The following CTBP2 variants were observed in gnomAD, a reference collection of about 807,000 sequenced individuals.
The protein encoded by CTBP2 is C-terminal binding protein 2.
Under a neutral mutation model 80.3 loss-of-function variants are expected in CTBP2, and 30 were observed. The observed-to-expected ratio is 0.37, with a 90% CI of 0.28 to 0.51. The LOEUF (loss-of-function observed/expected upper bound fraction) is 0.51. Among genes scored for constraint, CTBP2 ranks in the 20% least tolerant of loss-of-function variants. CTBP2 has a pLI of 0.93. For missense variants in CTBP2, 1,212 were observed against 1,375.3 expected, an observed-to-expected ratio of 0.88 and a Z score of 1.88; for synonymous variants, 594 against 587.4, an observed-to-expected ratio of 1.01 and a Z score of -0.16.
At chr10:125,049,274 C>T (rs1472523575) in intron 2 of CTBP2, among the ~76,000 whole-genome samples, 2 of 152,216 alleles carry the variant, frequency 1.3e-5, no homozygotes, top group African/African-American at 2.4e-5. Flanking sequence ...CAGTCCCCAC[C>T]GTCACAGGAC....
intron 1 of CTBP2, among the ~76,000 whole-genome samples, chr10:125,113,677 ATGTC>A (rs2135951911): frequency 6.6e-6 from 1 of 152,360 alleles, no homozygotes; most frequent in African/African-American, 2.4e-5. Flanking sequence ...TTTTTGAACA[ATGTC>A]TGAAGACAAA....
At chr10:125,031,488 C>CAAAA (rs11463934), upstream of CTBP2, among the ~76,000 whole-genome samples, 39 of 33,682 alleles carry the variant, frequency 1.2e-3, 1 homozygote, top group African/African-American at 2.3e-3. Flanking sequence ...GACTCCATTT[C>CAAAA]AAAAAAAAAA....
Position 125,026,862 on chromosome 10 carries a change from C to T in CTBP2, c.898G>A (p.Glu300Lys), listed in dbSNP as rs1250151224. 5 of 1,613,790 alleles carry T rather than the reference C, an allele frequency of 3.1e-6. No individual in the cohort carries two copies. In the South Asian group the frequency reaches 3.3e-5, roughly 11 times the overall value. ...CCCAGCGTGGCCTCTGCCAGCCCCTCCGCCCGCAGAAAGGCCAGGAACTCA... is the reference window on the plus strand; with the variant it reads ...CCCAGCGTGGCCTCTGCCAGCCCCTTCGCCCGCAGAAAGGCCAGGAACTCA... Residue 300 changes from glutamate to lysine, a missense_variant, in exon 1 of 9, where the codon GAG (glutamate) becomes AAG (lysine). Glu to Lys is a moderately conservative substitution (Grantham distance 56). Transcript: ENST00000309035.
intron 3 of CTBP2, among the ~76,000 whole-genome samples, chr10:125,035,491 C>T (rs766105380): frequency 4.6e-5 from 7 of 152,296 alleles, no homozygotes; most frequent in Middle Eastern, 3.4e-3. Flanking sequence ...CGCAGTAAAA[C>T]GAAACACATA....
intron 2 of CTBP2, among the ~76,000 whole-genome samples, chr10:125,062,021 G>A (rs1401346010): frequency 2.0e-5 from 3 of 152,188 alleles, no homozygotes; most frequent in East Asian, 1.9e-4. Flanking sequence ...CCCAGGGATC[G>A]TCCACGCCCT....
At chr10:125,082,589 C>CTTTTT (rs71486514) in intron 2 of CTBP2, among the ~76,000 whole-genome samples, 22 of 131,066 alleles carry the variant, frequency 1.7e-4, no homozygotes, top group African/African-American at 5.9e-4. Flanking sequence ...CAGCTTTCCT[C>CTTTTT]TTTTTTTTTT....
intron 1 of CTBP2, among the ~76,000 whole-genome samples, chr10:125,138,498 C>A (rs1372618850): frequency 1.3e-5 from 2 of 151,936 alleles, no homozygotes; most frequent in African/African-American, 2.4e-5. Context: ...GACAGTCTCA[C>A]GCTGAGGTTT....
rs1952858011 is a variant in CTBP2, at chr10:124,992,733, C to G, written c.2739G>C (p.Gln913His). The change falls in exon 8 of 9, where the codon CAG becomes CAC. Residue 913 changes from glutamine to histidine, a missense_variant. By Grantham distance (24) the Gln-to-His change is conservative. This residue lies in a region of CTBP2 where 335 missense variants were observed against 504.7 expected (regional missense o/e 0.66). Coordinates refer to ENST00000309035, the MANE Select transcript of CTBP2 (RefSeq NM_022802.3). ...CATTGAGCTCAGGATGAATTGCTTG[C>G]TGGTCTATTACTGACCAAGGCGCTG... 1.2e-6 allele frequency: 2 copies of G among 1,608,834 alleles called. No individual in the cohort carries two copies. The highest frequency in any genetic ancestry group is 4.5e-5 in the East Asian group (2 of 44,816).
rs1952180055 is a variant in CTBP2, at chr10:124,988,675, AAAGAAGAC to A, written c.*835_*842del. On this transcript the variant is annotated 3_prime_UTR_variant, in exon 9 of 9. Transcript: ENST00000309035. ...TCTTGTATAAAATATCACGTGAAGA[AAAGAAGAC>A]TTTATCAATGTCTAAAAAAGTGGGT... 1 of 65,086 alleles carries A rather than the reference AAAGAAGAC, an allele frequency of 1.5e-5. No homozygotes were observed. The highest frequency in any genetic ancestry group is 3.5e-5 in the African/African-American group (1 of 28,196). The allele number at this position is 65,086 out of a possible 1,614,324, so 4.0% of individuals were successfully genotyped here. A position where few individuals can be genotyped will look rare whatever the true frequency, so the allele number is the denominator to read the frequency against.
In CTBP2 at chr10:124,989,339, C is replaced by T. The variant is rs868166170; in HGVS notation, c.*179G>A. ...TCACATCCTAGTCTTTCAGCGCTTC[C>T]GTAAGCAGACGACATCTTCAGTTTT... On this transcript the variant is annotated 3_prime_UTR_variant, in exon 9 of 9. Coordinates refer to ENST00000309035, the MANE Select transcript of CTBP2 (RefSeq NM_022802.3). 52 of 707,622 alleles carry T rather than the reference C, an allele frequency of 7.3e-5. No homozygotes were observed. The Middle Eastern group carries it at 2.0e-3, about 27-fold the overall frequency. The allele number at this position is 707,622 out of a possible 1,614,324, so 43.8% of individuals were successfully genotyped here.
At chr10:125,144,864 T>G (rs1477382445) in intron 1 of CTBP2, among the ~76,000 whole-genome samples, 1 of 152,238 alleles carries the variant, frequency 6.6e-6, no homozygotes, top group African/African-American at 2.4e-5. Flanking sequence ...CTAGCAGGTA[T>G]GCTCTGACAC....
intron 2 of CTBP2, among the ~76,000 whole-genome samples, chr10:125,063,220 A>C (rs1266607009): frequency 6.6e-6 from 1 of 152,260 alleles, no homozygotes; most frequent in Non-Finnish European, 1.5e-5. Context: ...TGGAAAGCTA[A>C]TTACGTGTTA....
At chr10:125,020,934 GAC>G (rs1377352210) in intron 1 of CTBP2, among the ~76,000 whole-genome samples, 1 of 152,214 alleles carries the variant, frequency 6.6e-6, no homozygotes, top group Non-Finnish European at 1.5e-5. Flanking sequence ...GCTTTAACAA[GAC>G]AGAGGCCTAG....
chr10:125,005,825 C>A, intron 1 of CTBP2: 1 of 1,605,392 alleles, frequency 6.2e-7, no homozygotes, highest in Non-Finnish European at 8.5e-7. Flanking sequence ...GGCGGTCGCC[C>A]ACACACAGTG....
At chr10:125,133,670 A>G (rs1441296947) in intron 1 of CTBP2, 1 of 152,346 alleles carries the variant, frequency 6.6e-6, no homozygotes, top group East Asian at 1.9e-4. Context: ...GAACACAACT[A>G]TAAACTCTAA....
At chr10:124,995,364 G>A (rs893984589) in intron 4 of CTBP2, among the ~76,000 whole-genome samples, 6 of 152,184 alleles carry the variant, frequency 3.9e-5, no homozygotes, top group African/African-American at 7.2e-5. Context: ...ACTCCCCAAC[G>A]GCTGTCATTT....
chr10:125,054,824 C>T (rs1963539207), intron 2 of CTBP2, among the ~76,000 whole-genome samples: 1 of 152,218 alleles, frequency 6.6e-6, no homozygotes, highest in African/African-American at 2.4e-5. Context: ...TCCTCCGCTG[C>T]CCAGACTGAC....
intron 3 of CTBP2, among the ~76,000 whole-genome samples, chr10:125,035,134 C>T (rs1958719472): frequency 1.3e-5 from 2 of 152,322 alleles, no homozygotes; most frequent in South Asian, 4.1e-4. Context: ...TCCCCGGCAG[C>T]ATCTTCTCAG....
rs371387756 is a variant in CTBP2 at position 125,027,198 on chromosome 10, G to A, written c.562C>T (p.Arg188Trp). The change falls in exon 1 of 9, where the codon CGG becomes TGG. Residue 188 changes from arginine to tryptophan, a missense_variant. Physicochemically the swap from Arg to Trp is moderately radical, Grantham distance 101. Around this residue, in one of 3 missense-constraint regions of CTBP2, gnomAD observed 848 missense variants for 782.3 expected, o/e 1.08. Transcript: ENST00000309035. ...GTGTCGGGCTGCTCCCGTCCATACCGCCCGGGAGATGCAGCCCTGCTCTGT... is the reference window on the plus strand; with the variant it reads ...GTGTCGGGCTGCTCCCGTCCATACCACCCGGGAGATGCAGCCCTGCTCTGT... 2.2e-5 allele frequency: 36 copies of A among 1,609,636 alleles called. No individual in the cohort carries two copies. The highest frequency in any genetic ancestry group is 1.1e-4 in the African/African-American group (8 of 74,984).
Sources: allele counts gnomAD v4.1 joint callset (sites outside exome capture counted in the v4.1 genomes callset), GRCh38; gene constraint gnomAD v4.1.1; regional missense constraint gnomAD v4.1.1; transcripts MANE v1.5; gene names NCBI Gene and HGNC (gene_info 2026-07-23, HGNC 2026-07-21).